Variants in ZNF236 observed in about 807,000 individuals in gnomAD.
The protein encoded by ZNF236 is regulated by glucose.
In ZNF236, 50 loss-of-function variants were observed where a neutral mutation model predicts 191.2. The ratio of observed to expected loss-of-function variants is 0.26; its 90% CI spans 0.21 to 0.33. The LOEUF (loss-of-function observed/expected upper bound fraction) is 0.33. ZNF236 is among the 10% of genes least tolerant of loss of function. The pLI is 1.00. For synonymous variants in ZNF236, 907 were observed against 928.8 expected (o/e 0.98, Z 0.43); for missense variants, 1,754 against 2,374.5 (o/e 0.74, Z 5.43).
intron 28 of ZNF236, 141 bp from the exon 29 acceptor site, chr18:76,959,546 C>T (rs1968610044): frequency 2.0e-6 from 2 of 1,016,434 alleles, no homozygotes; most frequent in Non-Finnish European, 2.7e-6. Context: ...GCATTGAAGT[C>T]CTTAAGAACA....
chr18:76,871,926 A>C, intron 5 of ZNF236, 101 bp downstream of exon 5: 343 of 1,427,778 alleles, frequency 2.4e-4, no homozygotes, highest in Non-Finnish European at 3.0e-4. Context: ...CAGCTTTCTC[A>C]TAGTTTGCTG....
rs1326049822 is a variant in ZNF236, at chr18:76,868,753, G to A, written c.432G>A (p.Glu144=). The A allele has an allele frequency of 6.2e-7, 1 of 1,613,940 alleles. No homozygotes were observed. Among genetic ancestry groups the A allele is most frequent in the South Asian group, 1.1e-5 (1 of 91,072 alleles). The change falls in exon 4 of 31, where the codon GAG becomes GAA. Residue 144 remains glutamate, a synonymous_variant. Transcript: ENST00000320610. ...LQSQLAVHME[E]HRQELAGTRQ... is the part of the protein sequence containing the mutation. ...GTCAGCTGGCCGTGCACATGGAGGA[G>A]CACCGCCAGGAGCTGGCTGGAACCC...
intron 9 of ZNF236, among the ~76,000 whole-genome samples, chr18:76,884,782 C>T (rs1231817881): frequency 6.6e-6 from 1 of 152,186 alleles, no homozygotes; most frequent in Non-Finnish European, 1.5e-5. Context: ...TTCACTGTAA[C>T]AAACCTCCCA....
intron 1 of ZNF236, among the ~76,000 whole-genome samples, chr18:76,844,208 C>T (rs1975609694): frequency 6.7e-6 from 1 of 149,424 alleles, no homozygotes; most frequent in Non-Finnish European, 1.5e-5. Context: ...CCAGTGAACT[C>T]TAGCCTGAGT....
chr18:76,849,539 A>G lies in ZNF236; in HGVS notation c.69A>G (p.Thr23=). 6.2e-7 allele frequency: 1 copy of G among 1,608,740 alleles called. No individual in the cohort carries two copies. The highest frequency in any genetic ancestry group is 1.1e-5 in the South Asian group (1 of 89,722). The stretch of plus-strand genomic sequence containing the variant: ...GCAATTTTATAGATGGAGTTTTAAC[A>G]TTGAATGCGGAGAACACTAATTATG... ...KARGDSDGVL[T]LNAENTNYAY... is the part of the protein sequence containing the mutation. The change falls in exon 2 of 31, where the codon ACA becomes ACG. Residue 23 remains threonine (T), a synonymous_variant. Transcript: ENST00000320610.
intron 1 of ZNF236, among the ~76,000 whole-genome samples, chr18:76,846,817 C>T (rs1309904216): frequency 2.7e-5 from 4 of 148,776 alleles, no homozygotes; most frequent in Admixed American, 6.7e-5. Flanking sequence ...TTTTTTGAGA[C>T]GGAGCCTCCC....
chr18:76,966,963 G>A (rs1393135546), intron 30 of ZNF236, among the ~76,000 whole-genome samples: 1 of 152,246 alleles, frequency 6.6e-6, no homozygotes, highest in Non-Finnish European at 1.5e-5. Context: ...TTGATTGTTC[G>A]AGGTGGTATG....
intron 27 of ZNF236, among the ~76,000 whole-genome samples, chr18:76,955,252 A>G (rs1286162476): frequency 2.0e-5 from 3 of 152,070 alleles, no homozygotes; most frequent in Non-Finnish European, 2.9e-5. Context: ...TACAAAAAAT[A>G]AAAAAGTTAG....
At chr18:76,959,950 A>T in intron 29 of ZNF236, 134 bp downstream of exon 29, 2 of 1,114,816 alleles carry the variant, frequency 1.8e-6, no homozygotes, top group Non-Finnish European at 2.5e-6. Flanking sequence ...CACATGTTCC[A>T]TTTCTCCTGA....
Position 76,912,613 on chromosome 18 carries a change from C to A in ZNF236, c.2909+266C>A, listed in dbSNP as rs371347377. Among the ~76,000 whole-genome samples the A allele has an allele frequency of 5.3e-5, 8 of 152,182 alleles. No homozygotes were observed. The South Asian group carries it at 1.4e-3, about 28-fold the overall frequency. On this transcript the variant is annotated intron_variant, in intron 17 of 30. Transcript: ENST00000320610. ...GTTTGAAGTACTCTGCTGCAGCTTC[C>A]CGTCACTGTTTTAAGTCATTATTAT...
intron 27 of ZNF236, among the ~76,000 whole-genome samples, chr18:76,953,404 T>C (rs1317664361): frequency 3.3e-5 from 5 of 152,186 alleles, no homozygotes; most frequent in Non-Finnish European, 5.9e-5. Flanking sequence ...CCACTAGGCA[T>C]GTGGTCTTAT....
At chr18:76,890,842 C>G (rs1977206482) in intron 9 of ZNF236, among the ~76,000 whole-genome samples, 1 of 152,054 alleles carries the variant, frequency 6.6e-6, no homozygotes, top group Admixed American at 6.6e-5. Context: ...TGCAAAGGTC[C>G]ACTTATATGC....
Position 76,923,066 on chromosome 18 carries a change from GATAGGC to G in ZNF236, c.3558-2_3561del, listed in dbSNP as rs1401687793. On this transcript the variant is annotated splice_acceptor_variant and splice_polypyrimidine_tract_variant and coding_sequence_variant and intron_variant, in exon 21 of 31. Coordinates refer to ENST00000320610, the MANE Select transcript of ZNF236 (RefSeq NM_001306089.2). LOFTEE classifies it high-confidence loss of function. ...ATATGTCTATAATTAATGCTTTTTG[GATAGGC>G]ATGTTCGAATCCATACTGGAGAAAA... 2 of 1,603,094 alleles carry G rather than the reference GATAGGC, an allele frequency of 1.2e-6. No individual in the cohort carries two copies. Among genetic ancestry groups the G allele is most frequent in the Non-Finnish European group, 1.7e-6 (2 of 1,170,922 alleles).
chr18:76,905,873 C>G (rs1376150363), intron 13 of ZNF236, among the ~76,000 whole-genome samples: 3 of 152,210 alleles, frequency 2.0e-5, no homozygotes. Flanking sequence ...ACTTTTCATT[C>G]AGCCTAGCTT....
chr18:76,871,676 A>G, intron 4 of ZNF236, 25 bp from the exon 5 acceptor site: 2 of 1,613,566 alleles, frequency 1.2e-6, no homozygotes, highest in Non-Finnish European at 1.7e-6. Flanking sequence ...CTTACTGTGT[A>G]TTTTGCCCCC....
At chr18:76,933,564 T>TAAA (rs113267056) in intron 25 of ZNF236, among the ~76,000 whole-genome samples, 1 of 140,284 alleles carries the variant, frequency 7.1e-6, no homozygotes, top group Non-Finnish European at 1.6e-5. Flanking sequence ...CTTGTTAAAT[T>TAAA]AAAAAAAAAA....
intron 25 of ZNF236, among the ~76,000 whole-genome samples, chr18:76,931,804 T>C (rs1967857835): frequency 1.3e-5 from 2 of 152,260 alleles, no homozygotes; most frequent in South Asian, 4.1e-4. Context: ...TAGGATAACA[T>C]ACCTATCTCG....
At chr18:76,883,488 A>G (rs1976959267) in intron 9 of ZNF236, among the ~76,000 whole-genome samples, 1 of 150,918 alleles carries the variant, frequency 6.6e-6, no homozygotes, top group Admixed American at 6.6e-5. Context: ...CAGTGGTGCA[A>G]TTATAGCTCA....
intron 1 of ZNF236, among the ~76,000 whole-genome samples, chr18:76,846,286 A>G (rs530893219): frequency 1.3e-5 from 2 of 152,350 alleles, no homozygotes; most frequent in South Asian, 2.1e-4. Context: ...CGTTCTGAAC[A>G]ACAGATACTC....
Sources: gnomAD v4.1 joint callset for allele counts (sites outside exome capture counted in the v4.1 genomes callset) on GRCh38, gnomAD v4.1.1 for gene constraint, MANE v1.5 for transcripts, NCBI Gene and HGNC (gene_info 2026-07-23, HGNC 2026-07-21) for gene names.